The following SPATA13 variants were observed in gnomAD, a reference collection of about 807,000 sequenced individuals.
The protein encoded by SPATA13 is spermatogenesis-associated protein 13.
In SPATA13, 50 loss-of-function variants were observed where a neutral mutation model predicts 104.0. That is an observed-to-expected ratio of 0.48 (90% CI 0.38 to 0.61). The LOEUF (loss-of-function observed/expected upper bound fraction) is 0.61, where lower values mean the gene tolerates loss of function less well. Ranked by LOEUF, SPATA13 falls within the 20% of genes least tolerant of loss-of-function variation. SPATA13 has a pLI of 0.00. For missense variants in SPATA13, 1,524 were observed against 1,690.6 expected, an observed-to-expected ratio of 0.90 and a Z score of 1.73; for synonymous variants, 606 against 667.5, an observed-to-expected ratio of 0.91 and a Z score of 1.42.
In SPATA13 at chr13:23,983,393, A is replaced by G. The variant is rs541604853; in HGVS notation, c.-353-334A>G. Among the ~76,000 whole-genome samples, 7 of 152,282 alleles carry G rather than the reference A, an allele frequency of 4.6e-5. No individual in the cohort carries two copies. The South Asian group carries it at 6.2e-4, about 14-fold the overall frequency. ...ACCCATATGACCTCATTATACCTCA[A>G]TTACCGCTATGAAGGCCCTATCTCC... is the stretch of plus-strand genomic sequence containing the variant. On this transcript the variant is annotated intron_variant, in intron 1 of 14. Coordinates refer to the SPATA13 transcript ENST00000424834.
intron 3 of SPATA13, among the ~76,000 whole-genome samples, chr13:24,126,953 A>G (rs1881238131): frequency 6.6e-6 from 1 of 152,218 alleles, no homozygotes; most frequent in African/African-American, 2.4e-5. Context: ...GGAGATTGTG[A>G]AATCAAACAA....
chr13:23,990,922 C>T (rs1875381537), intron 2 of SPATA13, among the ~76,000 whole-genome samples: 1 of 152,292 alleles, frequency 6.6e-6, no homozygotes, highest in East Asian at 1.9e-4. Context: ...GTGTCTTCCC[C>T]ACAAATCCTG....
At chr13:24,128,194 T>A (rs1368252463) in intron 3 of SPATA13, among the ~76,000 whole-genome samples, 1 of 152,164 alleles carries the variant, frequency 6.6e-6, no homozygotes, top group African/African-American at 2.4e-5. Flanking sequence ...TGTCCCAGAA[T>A]CGAGCCCACT....
chr13:24,278,684 A>G (rs1875199651), intron 4 of SPATA13: 2 of 1,531,522 alleles, frequency 1.3e-6, no homozygotes, highest in Admixed American at 2.3e-5. Context: ...TTCAGAATGT[A>G]TAAACAACCC....
At chr13:24,028,891 C>T (rs1877352456) in intron 3 of SPATA13, among the ~76,000 whole-genome samples, 1 of 152,070 alleles carries the variant, frequency 6.6e-6, no homozygotes, top group South Asian at 2.1e-4. Flanking sequence ...TATCCTTGCT[C>T]ATGGCTTCAA....
chr13:24,214,246 C>G (rs563008379), intron 1 of SPATA13, among the ~76,000 whole-genome samples: 9 of 152,342 alleles, frequency 5.9e-5, no homozygotes, highest in Admixed American at 5.2e-4. Flanking sequence ...TCCATAGACA[C>G]TTTTACCTAA....
chr13:24,145,443 C>T (rs1282610273), intron 3 of SPATA13, among the ~76,000 whole-genome samples: 2 of 152,170 alleles, frequency 1.3e-5, no homozygotes, highest in Non-Finnish European at 2.9e-5. Flanking sequence ...GCATCCCTAC[C>T]AGCACGTTCC....
intron 3 of SPATA13, among the ~76,000 whole-genome samples, chr13:24,053,556 A>G (rs1029125655): frequency 4.6e-5 from 7 of 152,136 alleles, no homozygotes; most frequent in African/African-American, 1.2e-4. Context: ...AAGCACCCTT[A>G]TAGACTTCCC....
chr13:24,076,815 C>A (rs1009326927), intron 3 of SPATA13, among the ~76,000 whole-genome samples: 1 of 151,556 alleles, frequency 6.6e-6, no homozygotes, highest in African/African-American at 2.4e-5. Flanking sequence ...GAAGGCAGTC[C>A]CAGGGGGCGT....
At chr13:24,006,862 G>C (rs1257378234) in intron 2 of SPATA13, among the ~76,000 whole-genome samples, 3 of 152,226 alleles carry the variant, frequency 2.0e-5, no homozygotes, top group Non-Finnish European at 2.9e-5. Context: ...GATGGTGTAG[G>C]GGGAGAGGAT....
At chr13:24,055,434 A>G (rs1392666525) in intron 3 of SPATA13, among the ~76,000 whole-genome samples, 1 of 152,268 alleles carries the variant, frequency 6.6e-6, no homozygotes, top group East Asian at 1.9e-4. Flanking sequence ...GAGATGGAGG[A>G]TGGTAACAGG....
intron 2 of SPATA13, among the ~76,000 whole-genome samples, chr13:24,002,904 C>T (rs1876045089): frequency 6.6e-6 from 1 of 152,198 alleles, no homozygotes; most frequent in African/African-American, 2.4e-5. Flanking sequence ...TTGGAACCTT[C>T]GCTTCTGATG....
In SPATA13 at chr13:24,169,799, A is replaced by G. The variant is rs541196179; in HGVS notation, c.-112+8867A>G. Among the ~76,000 whole-genome samples, 43 of 152,310 alleles carry G rather than the reference A, an allele frequency of 2.8e-4. 1 individual carries two copies. In the South Asian group the frequency reaches 8.1e-3, roughly 29 times the overall value. The stretch of plus-strand genomic sequence containing the variant: ...AGAGTCTTCTGCTTCCAGAGGTTTC[A>G]GGTGGCTCAGTGAGTCCCCACTCTC... On this transcript the variant is annotated intron_variant, in intron 1 of 12. Transcript: ENST00000382108.
intron 3 of SPATA13, among the ~76,000 whole-genome samples, chr13:24,085,599 C>T (rs1233768272): frequency 6.6e-6 from 1 of 152,194 alleles, no homozygotes; most frequent in Admixed American, 6.5e-5. Flanking sequence ...CTTCTGCCAC[C>T]ACGTGCCTTC....
intron 4 of SPATA13, among the ~76,000 whole-genome samples, chr13:24,283,052 T>C (rs1003116113): frequency 6.6e-6 from 1 of 152,194 alleles, no homozygotes; most frequent in African/African-American, 2.4e-5. Flanking sequence ...GTCTTGTCTT[T>C]CATGAGATGT....
chr13:23,986,711 C>T (rs1020572229), intron 2 of SPATA13, among the ~76,000 whole-genome samples: 1 of 152,184 alleles, frequency 6.6e-6, no homozygotes, highest in African/African-American at 2.4e-5. Context: ...TTGTCTTCAG[C>T]TGCTCTTGGC....
rs747377369 is a variant in SPATA13, at chr13:24,283,082, T to C, written c.2165-1053T>C. The stretch of plus-strand genomic sequence containing the variant: ...AGATGTGCAGGGAGTCTGTGGAGCA[T>C]GTGCTTCGAATCAAGCCACCTGTGA... On this transcript the variant is annotated intron_variant, in intron 4 of 12. Transcript: ENST00000382108. Among the ~76,000 whole-genome samples the C allele has an allele frequency of 1.2e-4, 19 of 152,318 alleles. No individual in the cohort carries two copies. The South Asian group carries it at 1.4e-3, about 12-fold the overall frequency.
intron 9 of SPATA13, among the ~76,000 whole-genome samples, chr13:24,293,590 TAAAAC>T (rs1876555125): frequency 6.6e-6 from 1 of 152,228 alleles, no homozygotes; most frequent in African/African-American, 2.4e-5. Flanking sequence ...TTGTCTTAAG[TAAAAC>T]AAAGCAAAAA....
chr13:24,193,824 CGTT>C (rs1386958566), intron 1 of SPATA13, among the ~76,000 whole-genome samples: 3 of 152,148 alleles, frequency 2.0e-5, no homozygotes, highest in African/African-American at 4.8e-5. Context: ...ACATGTCAGA[CGTT>C]GTGCCAGGTG....
Sources: allele counts gnomAD v4.1 joint callset (sites outside exome capture counted in the v4.1 genomes callset), GRCh38; gene constraint gnomAD v4.1.1; transcripts MANE v1.5; gene names NCBI Gene and HGNC (gene_info 2026-07-23, HGNC 2026-07-21).